Variants in NCKAP5 observed in about 807,000 individuals in gnomAD.
NCKAP5 encodes the protein NCK associated protein 5.
In NCKAP5, 92 loss-of-function variants were observed where a neutral mutation model predicts 167.0. The observed-to-expected ratio is 0.55, with a 90% CI of 0.47 to 0.66. The LOEUF is 0.66. Among genes scored for constraint, NCKAP5 ranks in the 30% least tolerant of loss-of-function variants. NCKAP5 has a pLI of 0.00. For missense variants in NCKAP5, 2,378 were observed against 2,315.0 expected, an observed-to-expected ratio of 1.03 and a Z score of -0.56; for synonymous variants, 891 against 877.4, an observed-to-expected ratio of 1.02 and a Z score of -0.27.
intron 15 of NCKAP5, among the ~76,000 whole-genome samples, chr2:132,777,422 T>A (rs558338826): frequency 3.3e-5 from 5 of 152,332 alleles, no homozygotes; most frequent in African/African-American, 1.2e-4. Context: ...TATAATTTCA[T>A]AATTAAACCC....
intron 15 of NCKAP5, among the ~76,000 whole-genome samples, chr2:132,776,572 T>C (rs1468542771): frequency 6.6e-6 from 1 of 152,154 alleles, no homozygotes; most frequent in Non-Finnish European, 1.5e-5. Context: ...GGGGAAATTG[T>C]GAACTTGATG....
intron 2 of NCKAP5, among the ~76,000 whole-genome samples, chr2:133,542,000 C>T (rs1686264105): frequency 6.6e-6 from 1 of 152,152 alleles, no homozygotes; most frequent in South Asian, 2.1e-4. Flanking sequence ...TGTTTGCACA[C>T]TTGACTCACT....
intron 19 of NCKAP5, among the ~76,000 whole-genome samples, chr2:132,712,508 C>T (rs372209833): frequency 2.0e-3 from 302 of 152,134 alleles, no homozygotes; most frequent in African/African-American, 6.9e-3. Flanking sequence ...AAAAATTAGC[C>T]GGGTGTAGAG....
intron 8 of NCKAP5, among the ~76,000 whole-genome samples, chr2:132,936,900 T>A (rs1410545564): frequency 6.6e-6 from 1 of 152,234 alleles, no homozygotes; most frequent in African/African-American, 2.4e-5. Flanking sequence ...TGAAAATGAT[T>A]TATGAGGCAG....
At chr2:132,759,452 T>A (rs1483078912) in intron 16 of NCKAP5, among the ~76,000 whole-genome samples, 1 of 152,190 alleles carries the variant, frequency 6.6e-6, no homozygotes, top group Non-Finnish European at 1.5e-5. Context: ...GATTTATAAA[T>A]GTGACCAAAA....
chr2:132,821,399 C>A (rs114286026), intron 11 of NCKAP5, among the ~76,000 whole-genome samples: 1 of 152,068 alleles, frequency 6.6e-6, no homozygotes, highest in Admixed American at 6.6e-5. Flanking sequence ...CTAGCTTAAG[C>A]CCCAGGAAGC....
At chr2:133,010,070 C>CAA (rs1252875422) in intron 6 of NCKAP5, among the ~76,000 whole-genome samples, 1 of 114,336 alleles carries the variant, frequency 8.7e-6, no homozygotes, top group Non-Finnish European at 1.9e-5. Context: ...GATTCTGTCT[C>CAA]AAAAAAAAAA....
chr2:133,553,431 G>T (rs186169235), intron 2 of NCKAP5, among the ~76,000 whole-genome samples: 1 of 152,156 alleles, frequency 6.6e-6, no homozygotes, highest in Non-Finnish European at 1.5e-5. Context: ...TTTTAATGTC[G>T]TCAGCCCAAA....
chr2:132,868,586 T>A (rs1277472592), intron 10 of NCKAP5, among the ~76,000 whole-genome samples: 1 of 152,148 alleles, frequency 6.6e-6, no homozygotes, highest in East Asian at 1.9e-4. Context: ...AGACTTTTGT[T>A]AATGCTGTCC....
At chr2:133,459,326 C>T (rs947263751) in intron 3 of NCKAP5, among the ~76,000 whole-genome samples, 1 of 152,066 alleles carries the variant, frequency 6.6e-6, no homozygotes, top group African/African-American at 2.4e-5. Flanking sequence ...AGGTGTGAAC[C>T]ACCACATTTC....
intron 5 of NCKAP5, among the ~76,000 whole-genome samples, chr2:133,196,341 G>GGAT (rs2085435881): frequency 6.6e-6 from 1 of 152,146 alleles, no homozygotes; most frequent in Admixed American, 6.6e-5. Context: ...TGGTGGCTGG[G>GGAT]GATGGGTCAG....
At position 133,320,588 on chromosome 2, in the gene NCKAP5, C is replaced by T. The variant is rs891140296; in HGVS notation, c.70-17478G>A. Among the ~76,000 whole-genome samples, 9 of 152,152 alleles carry T rather than the reference C, an allele frequency of 5.9e-5. 1 individual carries two copies. The highest frequency in any genetic ancestry group is 1.9e-4 in the African/African-American group (8 of 41,498). Reference sequence around the variant, plus strand: ...CTAAAAATACAGAAAATTAGCCAGGCGTGGTGGTGGGCACCCGTAGTCCCA... The same window carrying T: ...CTAAAAATACAGAAAATTAGCCAGGTGTGGTGGTGGGCACCCGTAGTCCCA... On this transcript the variant is annotated intron_variant, in intron 3 of 19. Transcript: ENST00000409261.
At chr2:133,504,873 G>T (rs765464732) in intron 3 of NCKAP5, among the ~76,000 whole-genome samples, 1 of 151,972 alleles carries the variant, frequency 6.6e-6, no homozygotes, top group African/African-American at 2.4e-5. Flanking sequence ...TCCCCCTATC[G>T]GAGCAAAGGC....
the NCKAP5 span, among the ~76,000 whole-genome samples, chr2:133,630,816 C>G: frequency 6.6e-6 from 1 of 152,150 alleles, no homozygotes; most frequent in Admixed American, 6.5e-5. Context: ...AAAACAGATT[C>G]TTTGCCAATC....
chr2:133,225,402 G>C (rs531034013), intron 4 of NCKAP5, among the ~76,000 whole-genome samples: 35 of 152,140 alleles, frequency 2.3e-4, no homozygotes, highest in African/African-American at 7.7e-4. Flanking sequence ...TTTTGACAAC[G>C]GCCCCAACAT....
Position 132,977,873 on chromosome 2 carries a change from G to A in NCKAP5, c.430-14004C>T, listed in dbSNP as rs147980565. Among the ~76,000 whole-genome samples the A allele has an allele frequency of 2.9e-3, 446 of 152,196 alleles. 4 individuals are homozygous for A. The highest frequency in any genetic ancestry group is 9.4e-3 in the African/African-American group (390 of 41,528). ...GTAATACTGTCCTGGTATACTTTTC[G>A]ACATTAAAACTATTATTTTTATCCC... On this transcript the variant is annotated intron_variant, in intron 7 of 19. Coordinates refer to ENST00000409261, the MANE Select transcript of NCKAP5 (RefSeq NM_207363.3).
At chr2:133,466,932 A>G (rs1216356697) in intron 3 of NCKAP5, among the ~76,000 whole-genome samples, 1 of 152,186 alleles carries the variant, frequency 6.6e-6, no homozygotes. Flanking sequence ...GGTTTTCTAG[A>G]TATACAATCA....
chr2:132,817,460 C>A (rs1686367155), intron 11 of NCKAP5, among the ~76,000 whole-genome samples: 1 of 151,732 alleles, frequency 6.6e-6, no homozygotes, highest in Admixed American at 6.6e-5. Flanking sequence ...AAAAAAATTC[C>A]TGGTTTTAAA....
At chr2:133,319,967 A>T (rs1340132637) in intron 3 of NCKAP5, among the ~76,000 whole-genome samples, 3 of 152,178 alleles carry the variant, frequency 2.0e-5, no homozygotes, top group African/African-American at 7.2e-5. Context: ...TTGAGGGTAA[A>T]CTGCAGGTGA....
Sources: allele counts gnomAD v4.1 joint callset (sites outside exome capture counted in the v4.1 genomes callset), GRCh38; gene constraint gnomAD v4.1.1; transcripts MANE v1.5; gene names NCBI Gene and HGNC (gene_info 2026-07-23, HGNC 2026-07-21).